The following NTN1 variants were observed in gnomAD, a reference collection of about 807,000 sequenced individuals.
NTN1 encodes netrin 1, also known as netrin-1.
A neutral mutation model predicts 54.2 loss-of-function variants in NTN1; 11 were observed. The ratio of observed to expected loss-of-function variants is 0.20; its 90% CI spans 0.13 to 0.34. NTN1 has a LOEUF of 0.34. Among genes scored for constraint, NTN1 ranks in the 10% least tolerant of loss-of-function variants. The pLI, the probability that NTN1 is intolerant of heterozygous loss-of-function variation, is 1.00. For synonymous variants in NTN1, 371 were observed against 382.0 expected (o/e 0.97, Z 0.33); for missense variants, 740 against 893.1 (o/e 0.83, Z 2.18).
intron 2 of NTN1, among the ~76,000 whole-genome samples, chr17:9,045,005 G>A (rs2091937175): frequency 6.6e-6 from 1 of 152,124 alleles, no homozygotes; most frequent in Admixed American, 6.6e-5. Flanking sequence ...CCCCGGCCTC[G>A]GACTCCTCCT....
At chr17:9,162,622 T>TA (rs2092360378) in intron 2 of NTN1, among the ~76,000 whole-genome samples, 191 bp from the exon 3 acceptor site, 1 of 152,192 alleles carries the variant, frequency 6.6e-6, no homozygotes, top group South Asian at 2.1e-4. Context: ...CATGTATTGT[T>TA]ACGTGCCCAA....
At chr17:9,131,942 A>G (rs1305774398) in intron 2 of NTN1, among the ~76,000 whole-genome samples, 2 of 151,400 alleles carry the variant, frequency 1.3e-5, no homozygotes, top group Admixed American at 6.6e-5. Flanking sequence ...AGCCGGGACT[A>G]CAGGCGCCCG....
chr17:9,155,346 GTT>G (rs5819216), intron 2 of NTN1, among the ~76,000 whole-genome samples: 24 of 142,842 alleles, frequency 1.7e-4, no homozygotes, highest in Admixed American at 3.5e-4. Flanking sequence ...TTTCTTTTTT[GTT>G]TTTTTTTTTT....
At chr17:9,160,036 T>C (rs2092353028) in intron 2 of NTN1, among the ~76,000 whole-genome samples, 1 of 152,184 alleles carries the variant, frequency 6.6e-6, no homozygotes. Context: ...GTCCTTCTTT[T>C]AAATGCCTCC....
chr17:9,202,546 G>C (rs751278957), intron 5 of NTN1, among the ~76,000 whole-genome samples: 2 of 152,158 alleles, frequency 1.3e-5, no homozygotes, highest in African/African-American at 2.4e-5. Flanking sequence ...AGCAGAATTT[G>C]GTCTTGCCGG....
chr17:9,021,236 C>T (rs1031371379), upstream of NTN1, among the ~76,000 whole-genome samples: 9 of 151,546 alleles, frequency 5.9e-5, no homozygotes, highest in Admixed American at 3.9e-4. Context: ...CCCTCCTCCC[C>T]CACGGGGTGC....
chr17:9,206,670 G>A (rs534962648), intron 5 of NTN1, among the ~76,000 whole-genome samples: 3 of 152,326 alleles, frequency 2.0e-5, no homozygotes, highest in Admixed American at 6.5e-5. Flanking sequence ...ACCCAGCCTC[G>A]GAACCTTCCT....
chr17:9,128,114 C>G (rs2092253262), intron 2 of NTN1, among the ~76,000 whole-genome samples: 1 of 148,484 alleles, frequency 6.7e-6, no homozygotes, highest in Non-Finnish European at 1.5e-5. Context: ...AAGACTCCGT[C>G]TCGAAAAATA....
At chr17:9,180,528 C>T (rs1294269365) in intron 4 of NTN1, among the ~76,000 whole-genome samples, 1 of 152,196 alleles carries the variant, frequency 6.6e-6, no homozygotes, top group African/African-American at 2.4e-5. Flanking sequence ...AAAGCAAGCC[C>T]CTCTCCTCAG....
upstream of NTN1, among the ~76,000 whole-genome samples, chr17:9,016,602 T>C (rs762895220): frequency 6.6e-6 from 1 of 152,204 alleles, no homozygotes; most frequent in Non-Finnish European, 1.5e-5. Flanking sequence ...AAGTTGAAAT[T>C]GAAGTAGCTA....
intron 5 of NTN1, among the ~76,000 whole-genome samples, chr17:9,210,274 T>G (rs146561102): frequency 1.3e-5 from 2 of 152,054 alleles, no homozygotes; most frequent in Non-Finnish European, 2.9e-5. Flanking sequence ...TTTGCACCGT[T>G]TAGGTCTTGT....
chr17:9,067,755 C>T (rs2092019871), intron 2 of NTN1, among the ~76,000 whole-genome samples: 1 of 152,166 alleles, frequency 6.6e-6, no homozygotes, highest in Admixed American at 6.5e-5. Context: ...TTCTTCCAGG[C>T]ATCTCTGCCC....
intron 2 of NTN1, among the ~76,000 whole-genome samples, chr17:9,044,891 T>G (rs982014724): frequency 6.6e-5 from 10 of 152,116 alleles, no homozygotes; most frequent in Admixed American, 6.5e-4. Flanking sequence ...CAAAACAGTA[T>G]GCGAAAAGTA....
intron 5 of NTN1, among the ~76,000 whole-genome samples, chr17:9,216,105 C>G (rs1400775783): frequency 6.6e-6 from 1 of 152,180 alleles, no homozygotes. Context: ...TCACGCCCGG[C>G]TATGGTCTTT....
intron 2 of NTN1, among the ~76,000 whole-genome samples, chr17:9,140,323 C>T (rs2092294099): frequency 6.6e-6 from 1 of 152,166 alleles, no homozygotes. Flanking sequence ...GTCTCTGCAC[C>T]CCCTGCCCTG....
intron 2 of NTN1, among the ~76,000 whole-genome samples, chr17:9,062,885 A>C: frequency 6.6e-6 from 1 of 152,294 alleles, no homozygotes; most frequent in Non-Finnish European, 1.5e-5. Flanking sequence ...AAGTAAAAAA[A>C]AATAATAATA....
chr17:9,013,778 C>G, the NTN1 span, among the ~76,000 whole-genome samples: 1 of 152,308 alleles, frequency 6.6e-6, no homozygotes, highest in Non-Finnish European at 1.5e-5. Flanking sequence ...AGGCCCCCCA[C>G]TATTTTCTCC....
chr17:9,005,876 A>G, the NTN1 span, among the ~76,000 whole-genome samples: 4 of 152,164 alleles, frequency 2.6e-5, no homozygotes, highest in African/African-American at 7.2e-5. Context: ...GCCTTCTCTT[A>G]CCAATGTGCT....
chr17:9,202,517 A>T (rs1360264432), intron 5 of NTN1, among the ~76,000 whole-genome samples: 1 of 152,196 alleles, frequency 6.6e-6, no homozygotes, highest in East Asian at 1.9e-4. Flanking sequence ...CGATACCTTT[A>T]TTCTCCATGT....
Sources: allele counts gnomAD v4.1 joint callset (sites outside exome capture counted in the v4.1 genomes callset), GRCh38; gene constraint gnomAD v4.1.1; transcripts MANE v1.5; gene names NCBI Gene and HGNC (gene_info 2026-07-23, HGNC 2026-07-21).